The following LRRC66 variants were observed in gnomAD, a reference collection of about 807,000 sequenced individuals.
LRRC66 encodes the protein leucine rich repeat containing 66.
Under a neutral mutation model 24.6 loss-of-function variants are expected in LRRC66, and 29 were observed. The ratio of observed to expected loss-of-function variants is 1.18; its 90% confidence interval spans 0.88 to 1.61. The LOEUF is 1.61. Among genes scored for constraint, LRRC66 ranks in the 40% most tolerant of loss-of-function variants. The pLI is 0.00. For synonymous variants in LRRC66, 411 were observed against 397.6 expected, an observed-to-expected ratio of 1.03 and a Z score of -0.40; for missense variants, 1,124 against 1,058.0, an observed-to-expected ratio of 1.06 and a Z score of -0.87.
At chr4:52,009,631 T>C (rs1401157699) in intron 2 of LRRC66, among the ~76,000 whole-genome samples, 1 of 152,076 alleles carries the variant, frequency 6.6e-6, no homozygotes, top group Non-Finnish European at 1.5e-5. Flanking sequence ...AAACTACCAA[T>C]ACTCACTCAA....
At chr4:52,004,034 G>A (rs1440062158) in intron 2 of LRRC66, among the ~76,000 whole-genome samples, 1 of 151,746 alleles carries the variant, frequency 6.6e-6, no homozygotes, top group Non-Finnish European at 1.5e-5. Flanking sequence ...ACAGAGTCTC[G>A]CTCTGTCACC....
chr4:52,017,544 C>G lies in LRRC66; in HGVS notation c.70G>C (p.Ala24Pro). The G allele has an allele frequency of 6.2e-7, 1 of 1,610,722 alleles. No individual in the cohort carries two copies. The highest frequency in any genetic ancestry group is 8.5e-7 in the Non-Finnish European group (1 of 1,178,618). ...AATAAAATATTGCTTTTTCTTGATGCATTTGTCATTATTCCAGTAAAATAA... is the reference window on the plus strand; with the variant it reads ...AATAAAATATTGCTTTTTCTTGATGGATTTGTCATTATTCCAGTAAAATAA... ...GLYFTGIMTN[A>P]SRKSNILFNS... Residue 24 changes from alanine to proline, a missense_variant, in exon 2 of 5, where the codon GCA becomes CCA. Physicochemically the swap from Ala to Pro is conservative, Grantham distance 27. Transcript: ENST00000682860.
chr4:52,012,571 T>C (rs1236251271), intron 2 of LRRC66, among the ~76,000 whole-genome samples: 1 of 152,196 alleles, frequency 6.6e-6, no homozygotes, highest in East Asian at 1.9e-4. Context: ...ATTCTTTTAA[T>C]ATTTTTGCTT....
intron 2 of LRRC66, among the ~76,000 whole-genome samples, chr4:52,015,598 T>C (rs971774085): frequency 6.6e-6 from 1 of 152,180 alleles, no homozygotes; most frequent in Non-Finnish European, 1.5e-5. Context: ...GAATCGGAAA[T>C]TATGTTACTA....
At position 52,003,287 on chromosome 4, in the gene LRRC66, C is replaced by A. The variant is rs369938291; in HGVS notation, c.602G>T (p.Cys201Phe). ...TTTGAATATCTTGTTGCTCTTTAAACAGAGATTCTCCAGTTGCAGGCAGTT... is the reference window on the plus strand; with the variant it reads ...TTTGAATATCTTGTTGCTCTTTAAAAAGAGATTCTCCAGTTGCAGGCAGTT... ...FHNCLQLENL[C>F]LKSNKIFKIP... The change falls in exon 3 of 5, where the codon TGT becomes TTT. Residue 201 changes from cysteine (C) to phenylalanine (F), a missense_variant. Physicochemically the swap from Cys to Phe is radical, Grantham distance 205 (BLOSUM62 -2). Coordinates refer to ENST00000682860, the MANE Select transcript of LRRC66 (RefSeq NM_001024611.3). 3.1e-6 allele frequency: 5 copies of A among 1,613,810 alleles called. No homozygotes were observed. The highest frequency in any genetic ancestry group is 3.4e-6 in the Non-Finnish European group (4 of 1,179,934).
chr4:52,004,739 T>C (rs983722985), intron 2 of LRRC66, among the ~76,000 whole-genome samples: 14 of 152,218 alleles, frequency 9.2e-5, no homozygotes, highest in African/African-American at 3.1e-4. Context: ...AGATTGATTA[T>C]ACAGGGAGAT....
chr4:51,995,389 C>T lies in LRRC66; in HGVS notation c.1633G>A (p.Glu545Lys), dbSNP rs777066147. 3.1e-6 allele frequency: 5 copies of T among 1,614,044 alleles called. No individual in the cohort carries two copies. Among genetic ancestry groups the T allele is most frequent in the African/African-American group, 1.3e-5 (1 of 74,914 alleles). Reference protein sequence around the residue: ...GEWTYETVAQEEPLSAHSVGV... With the variant: ...GEWTYETVAQKEPLSAHSVGV... ...ACTGAATGTGCACTGAGAGGCTCTT[C>T]CTGGGCCACAGTTTCATAAGTCCAT... is the stretch of plus-strand genomic sequence containing the variant. The change falls in exon 5 of 5, where the codon GAA (glutamate) becomes AAA (lysine). Residue 545 changes from glutamate (E) to lysine (K), a missense_variant. Physicochemically the swap from Glu to Lys is moderately conservative, Grantham distance 56. Coordinates refer to ENST00000682860, the MANE Select transcript of LRRC66 (RefSeq NM_001024611.3).
intron 2 of LRRC66, among the ~76,000 whole-genome samples, chr4:52,007,115 C>T (rs148534402): frequency 6.6e-6 from 1 of 152,246 alleles, no homozygotes; most frequent in African/African-American, 2.4e-5. Context: ...GCTTGTGTCA[C>T]GGAGTACTAG....
At chr4:52,016,666 AAGTTTGGAGGACAACT>A (rs1479793101) in intron 2 of LRRC66, among the ~76,000 whole-genome samples, 1 of 152,176 alleles carries the variant, frequency 6.6e-6, no homozygotes, top group African/African-American at 2.4e-5. Flanking sequence ...CTTCTGCTGT[AAGTTTGGAGGACAACT>A]AGATAGACTG....
chr4:51,999,423 A>G (rs541675887), intron 3 of LRRC66, among the ~76,000 whole-genome samples: 4 of 152,188 alleles, frequency 2.6e-5, no homozygotes, highest in Non-Finnish European at 4.4e-5. Context: ...TGAGTTTTCC[A>G]TTAATGAATA....
rs200961594 is a variant in LRRC66 at position 52,003,383 on chromosome 4, T to C, written c.506A>G (p.Lys169Arg). Residue 169 changes from lysine to arginine, a missense_variant, in exon 3 of 5, where the codon AAA (lysine) becomes AGA (arginine). Lys to Arg is a conservative substitution (Grantham distance 26). Coordinates refer to ENST00000682860, the MANE Select transcript of LRRC66 (RefSeq NM_001024611.3). ...KLSDTPKGLW[K>R]LKSLQSLDLS... ...ATCCAAACTCTGCAATGACTTCAGT[T>C]TCCACAGTCCTGTTAAAATGAAAAA... 1 of 1,612,984 alleles carries C rather than the reference T, an allele frequency of 6.2e-7. No homozygotes were observed. Among genetic ancestry groups the C allele is most frequent in the Non-Finnish European group, 8.5e-7 (1 of 1,179,664 alleles).
At chr4:52,014,971 C>CA (rs1024369864) in intron 2 of LRRC66, among the ~76,000 whole-genome samples, 26 of 151,982 alleles carry the variant, frequency 1.7e-4, no homozygotes, top group Admixed American at 3.3e-4. Flanking sequence ...AAGCTTAACT[C>CA]AAAAAAAGAA....
chr4:52,017,494 T>G lies in LRRC66; in HGVS notation c.120A>C (p.Glu40Asp). ...ILFNSECQWN[E>D]YILTNCSFTG... is the part of the protein sequence containing the mutation. ...TAAAAGAACAATTTGTCAGAATATATTCATTCCATTGGCATTCAGAATTGA... is the reference window on the plus strand; with the variant it reads ...TAAAAGAACAATTTGTCAGAATATAGTCATTCCATTGGCATTCAGAATTGA... The change falls in exon 2 of 5, where the codon GAA becomes GAC. Residue 40 changes from glutamate (E) to aspartate (D), a missense_variant. Coordinates refer to ENST00000682860, the MANE Select transcript of LRRC66 (RefSeq NM_001024611.3). 6.2e-7 allele frequency: 1 copy of G among 1,614,052 alleles called. No homozygotes were observed. The highest frequency in any genetic ancestry group is 8.5e-7 in the Non-Finnish European group (1 of 1,179,968).
intron 3 of LRRC66, among the ~76,000 whole-genome samples, chr4:51,999,582 T>C (rs1736402637): frequency 6.6e-6 from 1 of 152,212 alleles, no homozygotes; most frequent in South Asian, 2.1e-4. Context: ...ATTGAAATAT[T>C]CTAATGTTTT....
rs1180745404 is a variant in LRRC66 at position 52,006,720 on chromosome 4, AAT to A, written c.497-3330_497-3329del. 6.6e-3 allele frequency among the ~76,000 whole-genome samples: 218 copies of A among 32,960 alleles called. 1 individual carries two copies. In the South Asian group the frequency reaches 0.075, roughly 11 times the overall value. The allele number at this position is 32,960 out of a possible 152,430, so 21.6% of individuals were successfully genotyped here. A position where few individuals can be genotyped will look rare whatever the true frequency, so the allele number is the denominator to read the frequency against. ...GTATAATAATAATAATAATAATAATAATAATAAAGAAAAAAAAACAAAAACAA... is the reference window on the plus strand; with the variant it reads ...GTATAATAATAATAATAATAATAATAAATAAAGAAAAAAAAACAAAAACAA... On this transcript the variant is annotated intron_variant, in intron 2 of 4. Transcript: ENST00000682860.
Position 51,994,780 on chromosome 4 carries a change from T to A in LRRC66, c.2242A>T (p.Thr748Ser). The change falls in exon 5 of 5, where the codon ACG becomes TCG. Residue 748 changes from threonine to serine, a missense_variant. Physicochemically the swap from Thr to Ser is moderately conservative, Grantham distance 58. Coordinates refer to ENST00000682860, the MANE Select transcript of LRRC66 (RefSeq NM_001024611.3). ...TTTTCCTCAAGACTGTCTACAGCCG[T>A]CACATTGTCCTTGCTTGCCCCTGAG... is the stretch of plus-strand genomic sequence containing the variant. ...ESSGASKDNVTAVDSLEENVT... is the reference protein window; with the variant it reads ...ESSGASKDNVSAVDSLEENVT... 6 of 1,614,214 alleles carry A rather than the reference T, an allele frequency of 3.7e-6. No individual in the cohort carries two copies. Among genetic ancestry groups the A allele is most frequent in the Non-Finnish European group, 5.1e-6 (6 of 1,180,036 alleles).
intron 3 of LRRC66, 112 bp from the exon 4 acceptor site, chr4:51,998,049 T>A: frequency 1.1e-6 from 1 of 883,234 alleles, no homozygotes; most frequent in Non-Finnish European, 1.8e-6. Context: ...AATATGGATT[T>A]AACACTGGTT....
At chr4:52,004,856 G>T (rs1210850421) in intron 2 of LRRC66, among the ~76,000 whole-genome samples, 7 of 152,206 alleles carry the variant, frequency 4.6e-5, no homozygotes, top group African/African-American at 1.7e-4. Flanking sequence ...AACATTATGG[G>T]CAAGGCAGTC....
Position 51,995,210 on chromosome 4 carries a change from C to T in LRRC66, c.1812G>A (p.Lys604=). 1.2e-6 allele frequency: 2 copies of T among 1,614,212 alleles called. No homozygotes were observed. The highest frequency in any genetic ancestry group is 1.3e-5 in the African/African-American group (1 of 75,068). The change falls in exon 5 of 5, where the codon AAG becomes AAA. Residue 604 remains lysine (K), a synonymous_variant. Coordinates refer to ENST00000682860, the MANE Select transcript of LRRC66 (RefSeq NM_001024611.3). ...HAEAQRTGDS[K]ERGGTEQSLW... is the part of the protein sequence containing the mutation. ...GTGACTGTTCAGTGCCCCCTCTTTC[C>T]TTACTATCTCCAGTCCTCTGTGCTT... is the stretch of plus-strand genomic sequence containing the variant.
Sources: allele counts gnomAD v4.1 joint callset (sites outside exome capture counted in the v4.1 genomes callset), GRCh38; gene constraint gnomAD v4.1.1; transcripts MANE v1.5; gene names NCBI Gene and HGNC (gene_info 2026-07-23, HGNC 2026-07-21).